INPP5A: variants seen among roughly 807,000 people sequenced by gnomAD.
INPP5A encodes the protein inositol polyphosphate-5-phosphatase A, also known as 43 kDa inositol polyphosphate 5-phophatase.
Under a neutral mutation model 65.2 loss-of-function variants are expected in INPP5A, and 14 were observed. The ratio of observed to expected loss-of-function variants is 0.21; its 90% confidence interval spans 0.14 to 0.34. The LOEUF is 0.34. Among genes scored for constraint, INPP5A ranks in the 10% least tolerant of loss-of-function variants. INPP5A has a pLI of 1.00. For missense variants in INPP5A, 431 were observed against 545.6 expected, an observed-to-expected ratio of 0.79 and a Z score of 2.09; for synonymous variants, 207 against 208.3, an observed-to-expected ratio of 0.99 and a Z score of 0.05.
intron 4 of INPP5A, 77 bp from the exon 5 acceptor site, chr10:132,690,315 T>G (rs1322445543): frequency 4.1e-6 from 4 of 976,874 alleles, no homozygotes; most frequent in East Asian, 2.4e-5. Context: ...TAAAAGAGCT[T>G]CTTTTATTGT....
intron 1 of INPP5A, among the ~76,000 whole-genome samples, chr10:132,577,363 T>A (rs1237119309): frequency 1.3e-5 from 2 of 152,184 alleles, no homozygotes; most frequent in Non-Finnish European, 2.9e-5. Context: ...ACAGGAGATA[T>A]GGGGTCAAAA....
chr10:132,566,084 G>A (rs2071271402), intron 1 of INPP5A, among the ~76,000 whole-genome samples: 1 of 152,054 alleles, frequency 6.6e-6, no homozygotes, highest in African/African-American at 2.4e-5. Flanking sequence ...GGTCGTCCTT[G>A]GTTCTCCAAG....
chr10:132,644,828 C>T lies in INPP5A; in HGVS notation c.118-1040C>T, dbSNP rs956932509. On this transcript the variant is annotated intron_variant, in intron 2 of 15. Coordinates refer to ENST00000368594, the MANE Select transcript of INPP5A (RefSeq NM_005539.5). This position sits in a 1 kb window ranked among gnomAD's most constrained non-coding sequence, Gnocchi z 6.5. ...CCTGCTCAAGTGAAATGGGGCTCCC[C>T]GACTGCCTCACATGTGTCCCACCCA... 3.3e-5 allele frequency among the ~76,000 whole-genome samples: 5 copies of T among 152,210 alleles called. No individual in the cohort carries two copies. In the East Asian group the frequency reaches 5.8e-4, roughly 18 times the overall value.
At chr10:132,576,858 C>T (rs575787622) in intron 1 of INPP5A, among the ~76,000 whole-genome samples, 3 of 152,348 alleles carry the variant, frequency 2.0e-5, no homozygotes, top group South Asian at 4.1e-4. Flanking sequence ...CCCCAGAACC[C>T]GGGTTTTAGA....
At chr10:132,770,336 G>A (rs1482620518) in intron 12 of INPP5A, among the ~76,000 whole-genome samples, 1 of 152,260 alleles carries the variant, frequency 6.6e-6, no homozygotes, top group Non-Finnish European at 1.5e-5. Context: ...CTTCCGGAAT[G>A]TGGGGGGCAC....
At chr10:132,667,582 C>T (rs2072822911) in intron 4 of INPP5A, among the ~76,000 whole-genome samples, 1 of 152,204 alleles carries the variant, frequency 6.6e-6, no homozygotes, top group African/African-American at 2.4e-5. Context: ...TTCCTGTCAC[C>T]CCGGACACGA....
At chr10:132,689,970 A>G (rs1052372604) in intron 4 of INPP5A, among the ~76,000 whole-genome samples, 2 of 152,214 alleles carry the variant, frequency 1.3e-5, no homozygotes, top group African/African-American at 2.4e-5. Context: ...GGTCCACTCA[A>G]TGCCCGGCCG....
rs1846007866 is a variant in INPP5A, at chr10:132,727,548, CTG to C, written c.732+646_732+647del. Among the ~76,000 whole-genome samples, 2 of 152,182 alleles carry C rather than the reference CTG, an allele frequency of 1.3e-5. No individual in the cohort carries two copies. Among genetic ancestry groups the C allele is most frequent in the South Asian group, 4.2e-4 (2 of 4,784 alleles). ...GCTCAGTGCAAGGGCCGATGTTTCT[CTG>C]TGGTCCAGTCCACGCTGGCTGTGGG... On this transcript the variant is annotated intron_variant, in intron 9 of 15. Coordinates refer to ENST00000368594, the MANE Select transcript of INPP5A (RefSeq NM_005539.5). The surrounding 1 kb of genome is among the most constrained non-coding windows in gnomAD (Gnocchi z 6.5).
chr10:132,756,794 C>T (rs754643417), intron 11 of INPP5A, among the ~76,000 whole-genome samples: 1 of 152,206 alleles, frequency 6.6e-6, no homozygotes, highest in Non-Finnish European at 1.5e-5. Context: ...AAGAAGGCGC[C>T]GTTATCACAG....
In INPP5A at chr10:132,717,471, G is replaced by C. The variant is rs142979413; in HGVS notation, c.647+7015G>C. Among the ~76,000 whole-genome samples, 157 of 151,678 alleles carry C rather than the reference G, an allele frequency of 1.0e-3. 7 individuals carry two copies. The highest frequency in any genetic ancestry group is 3.6e-3 in the African/African-American group (149 of 40,918). The stretch of plus-strand genomic sequence containing the variant: ...CTCTGCTAGCCCTGAGGCTGACCCT[G>C]CTGCTTCAGAACATCCCGCCATCTG... On this transcript the variant is annotated intron_variant, in intron 8 of 15. Transcript: ENST00000368594.
In INPP5A at chr10:132,555,421, C is replaced by G. The variant is rs973254349; in HGVS notation, c.75+17250C>G. On this transcript the variant is annotated intron_variant, in intron 1 of 15. Coordinates refer to ENST00000368594, the MANE Select transcript of INPP5A (RefSeq NM_005539.5). The surrounding 1 kb of genome is among the most constrained non-coding windows in gnomAD (Gnocchi z 4.4). ...TTGAACTTCTGATAAGTTGCCTGGC[C>G]GGAAGGGGAAGAAGGGGGGCTTGGG... Among the ~76,000 whole-genome samples the G allele has an allele frequency of 6.6e-6, 1 of 151,866 alleles. No individual in the cohort carries two copies. The highest frequency in any genetic ancestry group is 1.9e-4 in the East Asian group (1 of 5,178).
chr10:132,552,260 T>C lies in INPP5A; in HGVS notation c.75+14089T>C, dbSNP rs541263651. On this transcript the variant is annotated intron_variant, in intron 1 of 15. Coordinates refer to ENST00000368594, the MANE Select transcript of INPP5A (RefSeq NM_005539.5). ...GGTGAATGCCTTCTCAGAGCCTTGGTGGCATATTGAGTGGGATAGGGAGGG... is the reference window on the plus strand; with the variant it reads ...GGTGAATGCCTTCTCAGAGCCTTGGCGGCATATTGAGTGGGATAGGGAGGG... Among the ~76,000 whole-genome samples the C allele has an allele frequency of 3.4e-3, 463 of 137,508 alleles. 2 individuals carry two copies. The highest frequency in any genetic ancestry group is 0.013 in the African/African-American group (443 of 34,938). 90.2% of individuals were successfully genotyped at this position (137,508 alleles called of 152,430 possible).
chr10:132,576,018 G>T (rs986889681), intron 1 of INPP5A, among the ~76,000 whole-genome samples: 1 of 152,168 alleles, frequency 6.6e-6, no homozygotes, highest in Non-Finnish European at 1.5e-5. Context: ...CTCCACCACA[G>T]ATGCCACCTG....
chr10:132,672,378 AT>A (rs2072902116), intron 4 of INPP5A, among the ~76,000 whole-genome samples: 1 of 152,190 alleles, frequency 6.6e-6, no homozygotes, highest in Non-Finnish European at 1.5e-5. Flanking sequence ...CTCATCTTGA[AT>A]TCCCACATGT....
At chr10:132,554,188 T>C (rs2071093531) in intron 1 of INPP5A, among the ~76,000 whole-genome samples, 1 of 152,162 alleles carries the variant, frequency 6.6e-6, no homozygotes, top group African/African-American at 2.4e-5. Flanking sequence ...ATTTGGAATA[T>C]CTGTTGTCAC....
intron 6 of INPP5A, among the ~76,000 whole-genome samples, chr10:132,701,585 C>T (rs768857089): frequency 2.7e-4 from 41 of 152,254 alleles, no homozygotes; most frequent in Admixed American, 1.6e-3. Context: ...CCAGGACGCC[C>T]GTCTCTGCCT....
chr10:132,730,292 GC>G (rs1220481190), intron 9 of INPP5A, among the ~76,000 whole-genome samples: 8 of 152,220 alleles, frequency 5.3e-5, no homozygotes, highest in Admixed American at 2.6e-4. Context: ...CCACCCATCT[GC>G]CTCCGCCCCC....
At chr10:132,646,436 A>G (rs541378137) in intron 3 of INPP5A, among the ~76,000 whole-genome samples, 161 of 152,266 alleles carry the variant, frequency 1.1e-3, no homozygotes, top group African/African-American at 3.8e-3. Flanking sequence ...GGCTTCTGAC[A>G]GGGCCGGCCC....
intron 3 of INPP5A, among the ~76,000 whole-genome samples, chr10:132,647,709 G>A (rs1003413114): frequency 1.3e-5 from 2 of 152,142 alleles, no homozygotes. Flanking sequence ...CTTGGAGGAG[G>A]GTGGGTGGGG....
Sources: gnomAD v4.1 joint callset for allele counts (sites outside exome capture counted in the v4.1 genomes callset) on GRCh38, gnomAD v4.1.1 for gene constraint, Gnocchi (gnomAD v3.1) non-coding constraint, MANE v1.5 for transcripts, NCBI Gene and HGNC (gene_info 2026-07-23, HGNC 2026-07-21) for gene names.